MCCC1: variants seen among roughly 807,000 people sequenced by gnomAD.
MCCC1 encodes methylcrotonoyl-CoA carboxylase subunit alpha, mitochondrial.
In MCCC1, 64 loss-of-function variants were observed where a neutral mutation model predicts 83.8. That is an observed-to-expected ratio of 0.76 (90% CI 0.62 to 0.94). MCCC1 has a LOEUF of 0.94. Among genes scored for constraint, MCCC1 ranks in the 40% least tolerant of loss-of-function variants. MCCC1 has a pLI of 0.00. For missense variants in MCCC1, 807 were observed against 904.7 expected (o/e 0.89, Z 1.39); for synonymous variants, 322 against 315.4 (o/e 1.02, Z -0.22).
chr3:183,109,533 C>T (rs1240121549), intron 1 of MCCC1, among the ~76,000 whole-genome samples: 2 of 152,186 alleles, frequency 1.3e-5, no homozygotes, highest in Admixed American at 1.3e-4. Context: ...CATGTTAATT[C>T]GCTTAGGATA....
In MCCC1 at chr3:183,096,730, G is replaced by A. The variant is rs115045110; in HGVS notation, c.90-2125C>T. Among the ~76,000 whole-genome samples, 74 of 152,324 alleles carry A rather than the reference G, an allele frequency of 4.9e-4. 1 individual carries two copies. Among genetic ancestry groups the A allele is most frequent in the Non-Finnish European group, 8.7e-4 (59 of 68,020 alleles). The stretch of plus-strand genomic sequence containing the variant: ...GAGTTCCGTGAGCTAGCTTCCTCAC[G>A]AGGCTGCTGCTTTCCCACACCTTTC... On this transcript the variant is annotated intron_variant, in intron 1 of 18. Transcript: ENST00000265594.
chr3:183,049,754 C>T (rs917902197), intron 9 of MCCC1, among the ~76,000 whole-genome samples: 1 of 152,190 alleles, frequency 6.6e-6, no homozygotes, highest in East Asian at 1.9e-4. Context: ...TCTATGCCCA[C>T]AAATTTGATA....
rs758121090 is a variant in MCCC1 at position 183,057,439 on chromosome 3, A to G, written c.762-17T>C. The stretch of plus-strand genomic sequence containing the variant: ...TCTACATGCCTATATAAAAGCAAAC[A>G]TGTATGTTAATATATTTGTTAGGGG... On this transcript the variant is annotated splice_polypyrimidine_tract_variant and intron_variant, in intron 7 of 18. Transcript: ENST00000265594. 2 of 1,550,976 alleles carry G rather than the reference A, an allele frequency of 1.3e-6. No individual in the cohort carries two copies. Among genetic ancestry groups the G allele is most frequent in the East Asian group, 2.3e-5 (1 of 43,962 alleles).
At chr3:183,110,687 C>T (rs1232099295) in intron 1 of MCCC1, among the ~76,000 whole-genome samples, 1 of 151,162 alleles carries the variant, frequency 6.6e-6, no homozygotes, top group East Asian at 2.0e-4. Flanking sequence ...AGCCACCGCA[C>T]CCGGCCTAGT....
intron 11 of MCCC1, among the ~76,000 whole-genome samples, chr3:183,041,207 A>G (rs1376139402): frequency 6.6e-6 from 1 of 152,206 alleles, no homozygotes; most frequent in Non-Finnish European, 1.5e-5. Flanking sequence ...TTAATTCTCC[A>G]ACTTGACTTT....
At chr3:183,063,118 G>A (rs573751582) in intron 7 of MCCC1, among the ~76,000 whole-genome samples, 73 of 152,016 alleles carry the variant, frequency 4.8e-4, no homozygotes, top group African/African-American at 1.7e-3. Context: ...CGAGTAGCTG[G>A]GACTACAGGC....
chr3:183,031,349 T>A lies in MCCC1; in HGVS notation c.1681+2642A>T, dbSNP rs144293766. 1.7e-3 allele frequency among the ~76,000 whole-genome samples: 256 copies of A among 152,260 alleles called. 1 individual carries two copies. The highest frequency in any genetic ancestry group is 3.2e-3 in the Non-Finnish European group (215 of 68,026). ...ATAAATCTTAGCTATTATCATTGAG[T>A]TTAGGCAGGGTTCTGTGAAACGTGG... On this transcript the variant is annotated intron_variant, in intron 14 of 18. Transcript: ENST00000265594.
intron 14 of MCCC1, among the ~76,000 whole-genome samples, chr3:183,028,449 T>A (rs1289875382): frequency 6.6e-6 from 1 of 152,198 alleles, no homozygotes; most frequent in East Asian, 1.9e-4. Flanking sequence ...AACTTTCAAG[T>A]CTTATTAAGA....
At chr3:183,022,628 C>T (rs1423454956) in intron 15 of MCCC1, 74 bp from the exon 16 acceptor site, 2 of 1,264,814 alleles carry the variant, frequency 1.6e-6, no homozygotes, top group African/African-American at 3.0e-5. Flanking sequence ...AGAATCAATT[C>T]TTCACTATTG....
upstream of MCCC1, among the ~76,000 whole-genome samples, chr3:183,100,981 C>T (rs1451724997): frequency 2.6e-5 from 4 of 152,372 alleles, no homozygotes; most frequent in Non-Finnish European, 4.4e-5. Flanking sequence ...TGGTGGGCCC[C>T]GCACTCGGAA....
At chr3:183,026,043 T>G (rs1712570444) in intron 14 of MCCC1, among the ~76,000 whole-genome samples, 1 of 151,476 alleles carries the variant, frequency 6.6e-6, no homozygotes, top group African/African-American at 2.4e-5. Flanking sequence ...GTTTTATTTT[T>G]ATTTTGATTT....
intron 8 of MCCC1, among the ~76,000 whole-genome samples, chr3:183,055,633 G>A (rs895692457): frequency 3.2e-4 from 49 of 151,940 alleles, no homozygotes; most frequent in African/African-American, 1.0e-3. Context: ...ACAGTGGCTC[G>A]GGCCTGTAAT....
upstream of MCCC1, among the ~76,000 whole-genome samples, chr3:183,102,176 C>A (rs1719322463): frequency 6.6e-6 from 1 of 152,010 alleles, no homozygotes; most frequent in Admixed American, 6.5e-5. Context: ...CCAGCCTGGG[C>A]AATATAGTGA....
At chr3:183,113,968 T>C (rs1719547081) in intron 1 of MCCC1, among the ~76,000 whole-genome samples, 1 of 152,134 alleles carries the variant, frequency 6.6e-6, no homozygotes, top group Admixed American at 6.5e-5. Context: ...TGTTTTTTCC[T>C]TATTCACCAG....
chr3:183,034,741 TTA>T (rs1240581780), intron 13 of MCCC1, among the ~76,000 whole-genome samples: 1 of 151,858 alleles, frequency 6.6e-6, no homozygotes, highest in Non-Finnish European at 1.5e-5. Context: ...TTTTACTCTT[TTA>T]TGTTTTTATG....
chr3:183,080,835 G>A (rs929632510), intron 4 of MCCC1, among the ~76,000 whole-genome samples: 22 of 152,130 alleles, frequency 1.4e-4, no homozygotes, highest in African/African-American at 3.1e-4. Context: ...CATGGATGGC[G>A]GCAGGCAAAG....
At position 183,017,357 on chromosome 3, in the gene MCCC1, G is replaced by T; in HGVS notation, c.1978-20C>A. The T allele has an allele frequency of 6.2e-7, 1 of 1,612,472 alleles. No individual in the cohort carries two copies. The highest frequency in any genetic ancestry group is 8.5e-7 in the Non-Finnish European group (1 of 1,179,316). On this transcript the variant is annotated intron_variant, in intron 17 of 18. Transcript: ENST00000265594. ...AAACACCTTGAGATTCAGTGTGACA[G>T]GTTAATATTTGAAAACACAGAGGTC...
intron 18 of MCCC1, 150 bp from the exon 19 acceptor site, chr3:183,015,716 T>C (rs1358512729): frequency 3.1e-6 from 3 of 953,758 alleles, no homozygotes; most frequent in South Asian, 1.3e-5. Context: ...TTTGTTGTTG[T>C]TGTTGTTTTT....
intron 1 of MCCC1, among the ~76,000 whole-genome samples, chr3:183,095,423 C>A (rs1468103615): frequency 6.6e-6 from 1 of 152,014 alleles, no homozygotes; most frequent in Non-Finnish European, 1.5e-5. Flanking sequence ...AAAAGTAAGA[C>A]CAGAGAAATA....
Sources: gnomAD v4.1 joint callset for allele counts (sites outside exome capture counted in the v4.1 genomes callset) on GRCh38, gnomAD v4.1.1 for gene constraint, MANE v1.5 for transcripts, NCBI Gene and HGNC (gene_info 2026-07-23, HGNC 2026-07-21) for gene names.